HLCS: variants seen among roughly 807,000 people sequenced by gnomAD.
The protein encoded by HLCS is holocarboxylase synthetase, also known as biotin--protein ligase.
A neutral mutation model predicts 75.0 loss-of-function variants in HLCS; 53 were observed. The ratio of observed to expected loss-of-function variants is 0.71; its 90% CI spans 0.57 to 0.89. The LOEUF (loss-of-function observed/expected upper bound fraction) is 0.89. HLCS is among the 40% of genes least tolerant of loss of function. The probability of loss-of-function intolerance (pLI) is 0.00; values close to 1 mark genes in which losing one functional copy is unlikely to be tolerated. For missense variants in HLCS, 966 were observed against 1,074.0 expected, an observed-to-expected ratio of 0.90 and a Z score of 1.41; for synonymous variants, 431 against 428.6, an observed-to-expected ratio of 1.01 and a Z score of -0.07.
At chr21:36,761,608 G>C (rs985264076) in intron 8 of HLCS, among the ~76,000 whole-genome samples, 2 of 152,152 alleles carry the variant, frequency 1.3e-5, no homozygotes, top group African/African-American at 2.4e-5. Context: ...CCGGCGTCTA[G>C]AGAGTAGAGG....
Position 36,953,029 on chromosome 21 carries a change from G to A in HLCS, c.330+9007C>T, listed in dbSNP as rs955972387. Among the ~76,000 whole-genome samples the A allele has an allele frequency of 2.2e-4, 34 of 152,196 alleles. No individual in the cohort carries two copies. In the South Asian group the frequency reaches 2.7e-3, roughly 12 times the overall value. On this transcript the variant is annotated intron_variant, in intron 2 of 10. Coordinates refer to ENST00000674895, the MANE Select transcript of HLCS (RefSeq NM_001352514.2). The stretch of plus-strand genomic sequence containing the variant: ...GACTACCCTGCACCTAAGTGACCAA[G>A]GGGGCTATGTGACAAAGTTCTGTAC...
chr21:36,766,257 C>T (rs2090027923), intron 7 of HLCS, among the ~76,000 whole-genome samples: 1 of 151,906 alleles, frequency 6.6e-6, no homozygotes. Context: ...CTCCTGGGCT[C>T]AAGTGATCTT....
intron 2 of HLCS, among the ~76,000 whole-genome samples, chr21:36,958,430 T>C (rs752307333): frequency 2.0e-5 from 3 of 152,168 alleles, no homozygotes; most frequent in Non-Finnish European, 4.4e-5. Context: ...ATTAATTCGT[T>C]CTCTAGTTAC....
upstream of HLCS, among the ~76,000 whole-genome samples, chr21:36,969,780 C>T (rs568855343): frequency 2.8e-4 from 42 of 152,166 alleles, no homozygotes; most frequent in African/African-American, 7.9e-4. Context: ...ACCATGTTGG[C>T]CAGGCTGGTC....
chr21:36,940,003 C>T (rs895279253), intron 2 of HLCS, among the ~76,000 whole-genome samples: 27 of 152,200 alleles, frequency 1.8e-4, no homozygotes, highest in African/African-American at 6.0e-4. Flanking sequence ...GAGCTGAGAT[C>T]GTGCCACTGC....
intron 6 of HLCS, among the ~76,000 whole-genome samples, chr21:36,811,714 G>A (rs2061515781): frequency 6.6e-6 from 1 of 152,196 alleles, no homozygotes; most frequent in African/African-American, 2.4e-5. Context: ...TCTTTCCCAT[G>A]TAAGACACCC....
intron 6 of HLCS, among the ~76,000 whole-genome samples, chr21:36,893,729 C>A (rs1172145004): frequency 6.6e-6 from 1 of 152,226 alleles, no homozygotes; most frequent in Non-Finnish European, 1.5e-5. Flanking sequence ...GGGGGCGGGG[C>A]TCAGCCAGTA....
intron 1 of HLCS, among the ~76,000 whole-genome samples, chr21:36,982,721 G>C (rs559741299): frequency 6.6e-6 from 1 of 152,116 alleles, no homozygotes; most frequent in Admixed American, 6.6e-5. Context: ...ACAATGCCAG[G>C]GGTGTCATTA....
chr21:36,871,155 G>A (rs2146230437), intron 6 of HLCS, among the ~76,000 whole-genome samples: 1 of 152,254 alleles, frequency 6.6e-6, no homozygotes, highest in East Asian at 1.9e-4. Context: ...TATGAGGTGT[G>A]AGAAATGAAA....
intron 1 of HLCS, chr21:36,975,031 TCAGTCCTCATGGC>T (rs2068899397): frequency 6.6e-6 from 1 of 152,136 alleles, no homozygotes; most frequent in Non-Finnish European, 1.5e-5. Flanking sequence ...GCAGTGACGC[TCAGTCCTCATGGC>T]CAGCTCTGGC....
Position 36,988,410 on chromosome 21 carries a change from G to A in HLCS, c.-393+1748C>T, listed in dbSNP as rs186259169. Among the ~76,000 whole-genome samples the A allele has an allele frequency of 1.2e-3, 175 of 152,140 alleles. 1 individual carries two copies. Among genetic ancestry groups the A allele is most frequent in the Non-Finnish European group, 2.0e-3 (137 of 67,996 alleles). On this transcript the variant is annotated intron_variant, in intron 1 of 11. Coordinates refer to the HLCS transcript ENST00000336648. ...AGACCTTCCTCACTGTTTTTTATAC[G>A]TGCATTGTGTGGATGTACCAGGGTT...
chr21:36,864,517 T>C (rs2063490792), intron 6 of HLCS, among the ~76,000 whole-genome samples: 1 of 152,226 alleles, frequency 6.6e-6, no homozygotes. Context: ...AAAGTCTTAC[T>C]TCTCTGTTTT....
intron 5 of HLCS, among the ~76,000 whole-genome samples, chr21:36,908,648 C>T (rs1415493347): frequency 6.6e-6 from 1 of 152,122 alleles, no homozygotes; most frequent in Non-Finnish European, 1.5e-5. Flanking sequence ...TTACTCAAAA[C>T]AGCCATAAAT....
At chr21:36,763,568 G>C (rs945863320) in intron 8 of HLCS, among the ~76,000 whole-genome samples, 8 of 152,218 alleles carry the variant, frequency 5.3e-5, no homozygotes, top group Admixed American at 3.9e-4. Context: ...GGGGCAGTGA[G>C]AAGGACCTTT....
chr21:36,846,102 G>A (rs2062788843), intron 6 of HLCS, among the ~76,000 whole-genome samples: 2 of 152,096 alleles, frequency 1.3e-5, no homozygotes, highest in Non-Finnish European at 2.9e-5. Flanking sequence ...TACACAGTAG[G>A]TACTCCATAA....
At position 36,934,889 on chromosome 21, in the gene HLCS, G is replaced by C. The variant is rs1310239228; in HGVS notation, c.1437+1560C>G. ...GACCCTGTCACACAGAAGACTGGAA[G>C]TCATTTAAAATCAAAAATGACATTC... On this transcript the variant is annotated intron_variant, in intron 4 of 10. Coordinates refer to ENST00000674895, the MANE Select transcript of HLCS (RefSeq NM_001352514.2). Among the ~76,000 whole-genome samples, 4 of 152,180 alleles carry C rather than the reference G, an allele frequency of 2.6e-5. 1 individual carries two copies. The highest frequency in any genetic ancestry group is 5.9e-5 in the Non-Finnish European group (4 of 68,028).
intron 6 of HLCS, among the ~76,000 whole-genome samples, chr21:36,839,842 T>C (rs2062556692): frequency 6.6e-6 from 1 of 152,222 alleles, no homozygotes; most frequent in African/African-American, 2.4e-5. Flanking sequence ...GAGAGCCACA[T>C]GATGCTGCCT....
intron 6 of HLCS, among the ~76,000 whole-genome samples, chr21:36,883,306 A>T (rs1200701214): frequency 6.6e-6 from 1 of 152,248 alleles, no homozygotes; most frequent in African/African-American, 2.4e-5. Context: ...CACAAAGCTA[A>T]GTCAGGGGAG....
intron 6 of HLCS, among the ~76,000 whole-genome samples, chr21:36,881,422 C>T (rs1441615514): frequency 2.0e-5 from 3 of 152,208 alleles, no homozygotes; most frequent in Admixed American, 1.3e-4. Flanking sequence ...CAGAAGGAAA[C>T]TCCAATTACT....
Sources: allele counts gnomAD v4.1 joint callset (sites outside exome capture counted in the v4.1 genomes callset), GRCh38; gene constraint gnomAD v4.1.1; transcripts MANE v1.5; gene names NCBI Gene and HGNC (gene_info 2026-07-23, HGNC 2026-07-21).